The following LPO variants were observed in gnomAD, a reference collection of about 807,000 sequenced individuals.
LPO encodes lactoperoxidase.
A neutral mutation model predicts 68.4 loss-of-function variants in LPO; 70 were observed. The observed-to-expected ratio is 1.02, with a 90% confidence interval of 0.84 to 1.25. LPO has a LOEUF of 1.25. Among genes scored for constraint, LPO ranks in the 50% most tolerant of loss-of-function variants. LPO has a pLI of 0.00. For synonymous variants in LPO, 360 were observed against 357.6 expected (o/e 1.01, Z -0.08); for missense variants, 873 against 908.4 (o/e 0.96, Z 0.50).
chr17:58,247,363 TGCA>T (rs1408507528), intron 3 of LPO, 112 bp from the exon 4 acceptor site: 1 of 842,466 alleles, frequency 1.2e-6, no homozygotes, highest in Non-Finnish European at 1.8e-6. Context: ...TATTGGACAG[TGCA>T]GCAGCTGGGT....
intron 3 of LPO, among the ~76,000 whole-genome samples, chr17:58,245,331 C>G (rs533633383): frequency 6.6e-6 from 1 of 152,184 alleles, no homozygotes; most frequent in African/African-American, 2.4e-5. Context: ...AGTCTACATC[C>G]CCTGAACAGT....
chr17:58,243,935 G>A (rs747097204), intron 2 of LPO, 59 bp from the exon 3 acceptor site: 2 of 1,108,000 alleles, frequency 1.8e-6, no homozygotes, highest in Non-Finnish European at 2.8e-6. Flanking sequence ...AAAAGCAGAA[G>A]ACATCGCAAA....
intron 8 of LPO, among the ~76,000 whole-genome samples, chr17:58,253,542 G>A (rs914368652): frequency 1.6e-4 from 24 of 152,160 alleles, no homozygotes; most frequent in Middle Eastern, 6.8e-3. Flanking sequence ...GCCTGTGCAC[G>A]ACCAAAGCCC....
chr17:58,260,011 C>T (rs1283988853), intron 9 of LPO, among the ~76,000 whole-genome samples: 2 of 151,920 alleles, frequency 1.3e-5, no homozygotes, highest in Non-Finnish European at 2.9e-5. Flanking sequence ...GACAGAGTTT[C>T]ACCATGTTGG....
chr17:58,239,420 T>C (rs1969714915), intron 1 of LPO, among the ~76,000 whole-genome samples: 1 of 151,980 alleles, frequency 6.6e-6, no homozygotes, highest in Admixed American at 6.6e-5. Context: ...TATGCAATTG[T>C]GTGCCTCAAA....
intron 3 of LPO, among the ~76,000 whole-genome samples, chr17:58,247,131 C>T (rs985361682): frequency 2.0e-5 from 3 of 152,000 alleles, no homozygotes; most frequent in African/African-American, 7.3e-5. Context: ...AGATCCACCC[C>T]TGTGTCTGTC....
At chr17:58,238,788 T>C (rs971173149) in intron 1 of LPO, 49 bp downstream of exon 1, 1 of 152,190 alleles carries the variant, frequency 6.6e-6, no homozygotes, top group Non-Finnish European at 1.5e-5. Context: ...AAGTTGATGA[T>C]GAAATTTCCT....
chr17:58,246,442 G>A (rs937112905), intron 3 of LPO, among the ~76,000 whole-genome samples: 3 of 152,274 alleles, frequency 2.0e-5, no homozygotes, highest in Admixed American at 6.5e-5. Context: ...CTAGGACCGC[G>A]GTGGAGACTG....
intron 6 of LPO, 135 bp downstream of exon 6, chr17:58,249,830 C>T: frequency 2.3e-6 from 3 of 1,284,304 alleles, no homozygotes; most frequent in Non-Finnish European, 3.1e-6. Context: ...CACAGACCCC[C>T]ACCTTCCGCT....
intron 3 of LPO, 78 bp downstream of exon 3, chr17:58,244,159 A>C: frequency 8.0e-7 from 1 of 1,253,676 alleles, no homozygotes; most frequent in African/African-American, 1.5e-5. Flanking sequence ...CCTGTTCATG[A>C]CAAGCACATC....
rs566056473 is a variant in LPO, at chr17:58,250,546, G to A, written c.705G>A (p.Glu235=). 15 of 1,614,148 alleles carry A rather than the reference G, an allele frequency of 9.3e-6. No individual in the cohort carries two copies. In the East Asian group the frequency reaches 3.1e-4, roughly 34 times the overall value. Residue 235 remains glutamate (E), a synonymous_variant, in exon 7 of 13, where the codon GAG becomes GAA. Coordinates refer to ENST00000262290, the MANE Select transcript of LPO (RefSeq NM_006151.3). ...ACCTGGACTTTGCCCCTGACACCGA[G>A]CTGGGGAGTAGCGAGTACTCCAAAG... ...DHDLDFAPDT[E]LGSSEYSKAQ... is the part of the protein sequence containing the mutation.
chr17:58,253,115 G>A lies in LPO; in HGVS notation c.1105+609G>A, dbSNP rs188592623. Reference sequence around the variant, plus strand: ...ATCCCACTACCCACCAATAATCATCGTTAACATTTTCATGCTTATTTTCCA... The same window carrying A: ...ATCCCACTACCCACCAATAATCATCATTAACATTTTCATGCTTATTTTCCA... On this transcript the variant is annotated intron_variant, in intron 8 of 12. Transcript: ENST00000262290. Among the ~76,000 whole-genome samples, 15 of 150,372 alleles carry A rather than the reference G, an allele frequency of 1.0e-4. No homozygotes were observed. The East Asian group carries it at 1.4e-3, about 14-fold the overall frequency.
rs777874385 is a variant in LPO at position 58,249,635 on chromosome 17, G to T, written c.513G>T (p.Gly171=). 6.2e-7 allele frequency: 1 copy of T among 1,600,828 alleles called. No individual in the cohort carries two copies. Among genetic ancestry groups the T allele is most frequent in the Non-Finnish European group, 8.5e-7 (1 of 1,178,484 alleles). The change falls in exon 6 of 13, where the codon GGG becomes GGT. Residue 171 remains glycine (G), a synonymous_variant. Transcript: ENST00000262290. ...ARWLPAEYED[G]LSLPFGWTPG... ...GGCTGCCCGCGGAGTACGAGGACGG[G>T]CTCTCCCTGCCCTTCGGCTGGACGC...
intron 9 of LPO, 74 bp from the exon 10 acceptor site, chr17:58,264,648 C>A: frequency 6.5e-7 from 1 of 1,530,692 alleles, no homozygotes; most frequent in Non-Finnish European, 9.0e-7. Flanking sequence ...TTGGCTGCAG[C>A]TCTTTCACAG....
At chr17:58,260,518 T>C (rs1430705164) in intron 9 of LPO, among the ~76,000 whole-genome samples, 1 of 152,232 alleles carries the variant, frequency 6.6e-6, no homozygotes, top group African/African-American at 2.4e-5. Flanking sequence ...AGATTAGTTA[T>C]AAATGTTTTG....
In LPO at chr17:58,267,831, A is replaced by G. The variant is rs372270079; in HGVS notation, c.1976A>G (p.Asp659Gly). Residue 659 changes from aspartate (D) to glycine (G), a missense_variant, in exon 13 of 13, where the codon GAC becomes GGC. Asp to Gly is a moderately conservative substitution (Grantham distance 94). Transcript: ENST00000262290. ...GGGGTCTTCACGAACGAGCAGAAGG[A>G]CTCTCTACAGAAAATGTCCTTCTCA... ...NPGVFTNEQK[D>G]SLQKMSFSRL... The G allele has an allele frequency of 5.8e-5, 94 of 1,613,756 alleles. No homozygotes were observed. Among genetic ancestry groups the G allele is most frequent in the Non-Finnish European group, 7.5e-5 (88 of 1,179,962 alleles).
rs761211333 is a variant in LPO at position 58,267,935 on chromosome 17, G to T, written c.2080G>T (p.Val694Leu). The T allele has an allele frequency of 3.2e-5, 51 of 1,614,050 alleles. No homozygotes were observed. Among genetic ancestry groups the T allele is most frequent in the Non-Finnish European group, 4.3e-5 (51 of 1,180,050 alleles). Residue 694 changes from valine (V) to leucine (L), a missense_variant, in exon 13 of 13, where the codon GTG (valine) becomes TTG (leucine). Val to Leu is a conservative substitution (Grantham distance 32, BLOSUM62 1). Transcript: ENST00000262290. ...GGCCAACAGCTACCCCTATGACTTC[G>T]TGGATTGCTCAGCCATCGACAAGCT... ...FWANSYPYDF[V>L]DCSAIDKLDL...
intron 3 of LPO, among the ~76,000 whole-genome samples, chr17:58,247,225 C>A (rs1391209372): frequency 6.6e-6 from 1 of 152,232 alleles, no homozygotes; most frequent in African/African-American, 2.4e-5. Context: ...CTGTCCAACA[C>A]AGTCATCACT....
At chr17:58,259,978 G>A (rs941740374) in intron 9 of LPO, among the ~76,000 whole-genome samples, 7 of 152,148 alleles carry the variant, frequency 4.6e-5, no homozygotes, top group African/African-American at 1.7e-4. Flanking sequence ...ACCATGCCCG[G>A]CTAATTTCTG....
Sources: gnomAD v4.1 joint callset for allele counts (sites outside exome capture counted in the v4.1 genomes callset) on GRCh38, gnomAD v4.1.1 for gene constraint, MANE v1.5 for transcripts, NCBI Gene and HGNC (gene_info 2026-07-23, HGNC 2026-07-21) for gene names.